Variants in TMPRSS11A observed in about 807,000 individuals in gnomAD.
TMPRSS11A encodes the protein transmembrane serine protease 11A.
TMPRSS11A carries 53 observed loss-of-function variants against 58.9 expected under a neutral mutation model. The observed-to-expected ratio is 0.90, with a 90% CI of 0.72 to 1.13. The LOEUF is 1.13. Ranked by LOEUF, TMPRSS11A falls within the 50% of genes most tolerant of loss-of-function variation. TMPRSS11A has a pLI of 0.00. For synonymous variants in TMPRSS11A, 167 were observed against 169.8 expected, an observed-to-expected ratio of 0.98 and a Z score of 0.13; for missense variants, 493 against 499.3, an observed-to-expected ratio of 0.99 and a Z score of 0.12.
chr4:67,953,464 G>A (rs146474630), intron 1 of TMPRSS11A, among the ~76,000 whole-genome samples: 1 of 152,214 alleles, frequency 6.6e-6, no homozygotes, highest in Non-Finnish European at 1.5e-5. Flanking sequence ...TTTTCCAAAT[G>A]TACTTTTTTA....
At chr4:67,962,157 G>C (rs1216264182) in intron 1 of TMPRSS11A, among the ~76,000 whole-genome samples, 1 of 151,990 alleles carries the variant, frequency 6.6e-6, no homozygotes, top group Non-Finnish European at 1.5e-5. Flanking sequence ...ATTTACATCT[G>C]CTTGCCCATT....
intron 7 of TMPRSS11A, among the ~76,000 whole-genome samples, chr4:67,920,615 A>G (rs76582650): frequency 0.05 from 7,516 of 149,744 alleles, 209 homozygotes; most frequent in Middle Eastern, 0.075. Context: ...GTATGCATAT[A>G]TATGTGTGTG....
chr4:67,915,324 C>T (rs953990232), intron 8 of TMPRSS11A, among the ~76,000 whole-genome samples: 2 of 151,980 alleles, frequency 1.3e-5, no homozygotes, highest in Admixed American at 6.6e-5. Flanking sequence ...TGGCAGGCTA[C>T]GTAGAAAACT....
intron 1 of TMPRSS11A, 151 bp from the exon 2 acceptor site, chr4:67,946,722 G>A (rs1721026499): frequency 1.8e-6 from 1 of 562,518 alleles, no homozygotes; most frequent in Non-Finnish European, 2.6e-6. Context: ...CTGAGAAGAT[G>A]TGTTAAAAAA....
chr4:67,959,143 G>T (rs1198939908), intron 1 of TMPRSS11A, among the ~76,000 whole-genome samples: 2 of 152,156 alleles, frequency 1.3e-5, no homozygotes, highest in Non-Finnish European at 2.9e-5. Context: ...ATCAAGAAGA[G>T]GATGTTACAA....
intron 1 of TMPRSS11A, among the ~76,000 whole-genome samples, chr4:67,951,256 T>A (rs1721150657): frequency 6.6e-6 from 1 of 152,210 alleles, no homozygotes; most frequent in Non-Finnish European, 1.5e-5. Flanking sequence ...AACATGGTAA[T>A]AATTTGAATA....
At chr4:67,911,598 G>T in intron 9 of TMPRSS11A, 95 bp from the exon 10 acceptor site, 2 of 933,846 alleles carry the variant, frequency 2.1e-6, no homozygotes, top group Non-Finnish European at 3.2e-6. Flanking sequence ...TTTGTTACTA[G>T]ACAGTACATG....
chr4:67,941,743 T>C (rs1720883642), intron 3 of TMPRSS11A, among the ~76,000 whole-genome samples: 1 of 152,196 alleles, frequency 6.6e-6, no homozygotes. Flanking sequence ...TCCACATGTA[T>C]TGGAGACCTA....
At position 67,922,737 on chromosome 4, in the gene TMPRSS11A, T is replaced by A; in HGVS notation, c.692+18A>T. Reference sequence around the variant, plus strand: ...CTTTTTAGCAGAAGTGGGTTCTAACTTAAGGTCAATAACTTACTTCTGGAA... The same window carrying A: ...CTTTTTAGCAGAAGTGGGTTCTAACATAAGGTCAATAACTTACTTCTGGAA... On this transcript the variant is annotated intron_variant, in intron 7 of 9. Transcript: ENST00000508048. The A allele has an allele frequency of 6.2e-7, 1 of 1,609,330 alleles. No individual in the cohort carries two copies. Among genetic ancestry groups the A allele is most frequent in the Non-Finnish European group, 8.5e-7 (1 of 1,176,202 alleles).
intron 5 of TMPRSS11A, among the ~76,000 whole-genome samples, chr4:67,927,035 G>A (rs1286823364): frequency 6.6e-6 from 1 of 152,150 alleles, no homozygotes; most frequent in East Asian, 1.9e-4. Context: ...TGGCTATGAA[G>A]AGGAGCTGCC....
intron 1 of TMPRSS11A, among the ~76,000 whole-genome samples, chr4:67,962,947 T>G (rs1311916982): frequency 6.6e-6 from 1 of 152,180 alleles, no homozygotes; most frequent in Non-Finnish European, 1.5e-5. Flanking sequence ...TCAATCTGCA[T>G]TAGTCCCACA....
chr4:67,924,040 G>A (rs1720399826), intron 6 of TMPRSS11A, 88 bp downstream of exon 6: 1 of 1,069,732 alleles, frequency 9.3e-7, no homozygotes, highest in Non-Finnish European at 1.5e-6. Context: ...AAAATCTGGA[G>A]GACAGATGGG....
At chr4:67,915,897 CTGTT>C (rs1720131481) in intron 8 of TMPRSS11A, among the ~76,000 whole-genome samples, 1 of 152,210 alleles carries the variant, frequency 6.6e-6, no homozygotes, top group Non-Finnish European at 1.5e-5. Flanking sequence ...GCTGTTTTAA[CTGTT>C]TGTGATTATT....
chr4:67,934,061 TGAG>T (rs1177381228), intron 3 of TMPRSS11A, among the ~76,000 whole-genome samples: 1 of 152,158 alleles, frequency 6.6e-6, no homozygotes, highest in Non-Finnish European at 1.5e-5. Context: ...AAAAATAACA[TGAG>T]AAGAATCTAG....
At chr4:67,924,491 C>G (rs1444756990) in intron 5 of TMPRSS11A, among the ~76,000 whole-genome samples, 1 of 152,160 alleles carries the variant, frequency 6.6e-6, no homozygotes, top group Non-Finnish European at 1.5e-5. Context: ...TTGCATTCCA[C>G]TTCAGAAGAT....
intron 8 of TMPRSS11A, among the ~76,000 whole-genome samples, chr4:67,916,267 C>G (rs1364102300): frequency 6.6e-6 from 1 of 151,190 alleles, no homozygotes; most frequent in Admixed American, 6.6e-5. Flanking sequence ...TTTTATACAT[C>G]AATTAAAAAA....
chr4:67,929,772 G>A, intron 5 of TMPRSS11A, 108 bp downstream of exon 5: 1 of 1,071,360 alleles, frequency 9.3e-7, no homozygotes, highest in Non-Finnish European at 1.3e-6. Context: ...TTTTTCATCT[G>A]AATTCTAGCT....
At chr4:67,926,297 T>G (rs768475564) in intron 5 of TMPRSS11A, among the ~76,000 whole-genome samples, 114 of 152,374 alleles carry the variant, frequency 7.5e-4, no homozygotes, top group Non-Finnish European at 1.5e-3. Flanking sequence ...ACAGGATTAT[T>G]TCTAGACTTA....
chr4:67,930,756 A>G (rs1720591794), intron 4 of TMPRSS11A, among the ~76,000 whole-genome samples: 1 of 143,654 alleles, frequency 7.0e-6, no homozygotes, highest in African/African-American at 2.7e-5. Flanking sequence ...TTTTTGTTTA[A>G]AAAAAAAAAC....
Sources: gnomAD v4.1 joint callset for allele counts (sites outside exome capture counted in the v4.1 genomes callset) on GRCh38, gnomAD v4.1.1 for gene constraint, MANE v1.5 for transcripts, NCBI Gene and HGNC (gene_info 2026-07-23, HGNC 2026-07-21) for gene names.